Variants in RSPO1 observed in about 807,000 individuals in gnomAD.
RSPO1 encodes R-spondin 1, also known as R-spondin-1.
In RSPO1, 18 loss-of-function variants were observed where a neutral mutation model predicts 26.0. The ratio of observed to expected loss-of-function variants is 0.69; its 90% confidence interval spans 0.48 to 1.03. The LOEUF is 1.03. Among genes scored for constraint, RSPO1 ranks in the 50% least tolerant of loss-of-function variants. RSPO1 has a pLI of 0.00. For synonymous variants in RSPO1, 133 were observed against 137.4 expected, an observed-to-expected ratio of 0.97 and a Z score of 0.22; for missense variants, 309 against 352.3, an observed-to-expected ratio of 0.88 and a Z score of 0.98.
At chr1:37,620,904 C>T (rs1467707544) in intron 3 of RSPO1, among the ~76,000 whole-genome samples, 1 of 152,128 alleles carries the variant, frequency 6.6e-6, no homozygotes, top group Non-Finnish European at 1.5e-5. Flanking sequence ...CATGAATGCG[C>T]CCTCTAGGTT....
rs1009400363 is a variant in RSPO1, at chr1:37,614,237, G to C, written c.383C>G (p.Ala128Gly). 1 of 1,613,552 alleles carries C rather than the reference G, an allele frequency of 6.2e-7. No individual in the cohort carries two copies. The highest frequency in any genetic ancestry group is 1.3e-5 in the African/African-American group (1 of 74,934). ...GGCAGCTGAGGAGCCCTCGGGACAA[G>C]CTGGATAGCAGCGGCCCTTGTGCAG... ...LYLHKGRCYP[A>G]CPEGSSAANG... Residue 128 changes from alanine to glycine, a missense_variant, in exon 5 of 7, where the codon GCT (alanine) becomes GGT (glycine). Ala to Gly is a moderately conservative substitution (Grantham distance 60, BLOSUM62 0). Transcript: ENST00000356545.
In RSPO1 at chr1:37,634,052, G is replaced by C. The variant is rs1644400721; in HGVS notation, c.-356+514C>G. ...TCTCCCCAACTAAGCGATACCATCG[G>C]TTCCTGAGCGCCAGACCCCGAGGGC... is the stretch of plus-strand genomic sequence containing the variant. On this transcript the variant is annotated intron_variant, in intron 1 of 6. Coordinates refer to ENST00000356545, the MANE Select transcript of RSPO1 (RefSeq NM_001242908.2). This position sits in a 1 kb window ranked among gnomAD's most constrained non-coding sequence, Gnocchi z 4.7. Among the ~76,000 whole-genome samples the C allele has an allele frequency of 6.6e-6, 1 of 152,182 alleles. No individual in the cohort carries two copies. The highest frequency in any genetic ancestry group is 1.5e-5 in the Non-Finnish European group (1 of 68,034).
intron 2 of RSPO1, among the ~76,000 whole-genome samples, chr1:37,630,893 G>C (rs1242402936): frequency 1.3e-5 from 2 of 152,226 alleles, no homozygotes; most frequent in African/African-American, 4.8e-5. Flanking sequence ...AGTCTCTGTA[G>C]ATGCCAGGGA....
intron 4 of RSPO1, 124 bp downstream of exon 4, chr1:37,616,360 A>C: frequency 1.2e-6 from 1 of 823,170 alleles, no homozygotes; most frequent in Non-Finnish European, 2.0e-6. Flanking sequence ...CTTGAATCGG[A>C]GCCTCATCTC....
chr1:37,631,288 A>G (rs1383511288), intron 2 of RSPO1, among the ~76,000 whole-genome samples: 4 of 152,222 alleles, frequency 2.6e-5, no homozygotes, highest in Non-Finnish European at 2.9e-5. Context: ...AAGTGTTTAC[A>G]TGAGGCTGAT....
rs538431447 is a variant in RSPO1 at position 37,633,599 on chromosome 1, G to T, written c.-356+967C>A. ...ATTTCGCATTAGCCCTCCCCGGGCC[G>T]GGCTACAGGCTGGAGAGTTTTGGCC... On this transcript the variant is annotated intron_variant, in intron 1 of 6. Coordinates refer to ENST00000356545, the MANE Select transcript of RSPO1 (RefSeq NM_001242908.2). 3.7e-4 allele frequency among the ~76,000 whole-genome samples: 56 copies of T among 152,094 alleles called. No individual in the cohort carries two copies. In the Middle Eastern group the frequency reaches 0.01, roughly 28 times the overall value.
intron 4 of RSPO1, 142 bp from the exon 5 acceptor site, chr1:37,614,475 A>C (rs1644080841): frequency 1.1e-6 from 1 of 916,086 alleles, no homozygotes; most frequent in Non-Finnish European, 1.7e-6. Flanking sequence ...GGTACTGCAG[A>C]GGAATCTTGG....
At chr1:37,615,169 G>A (rs1487683208) in intron 4 of RSPO1, among the ~76,000 whole-genome samples, 2 of 152,170 alleles carry the variant, frequency 1.3e-5, no homozygotes, top group Non-Finnish European at 2.9e-5. Flanking sequence ...TGAGGACCAA[G>A]AGGGTAGCTC....
chr1:37,625,490 G>C (rs867653727), intron 3 of RSPO1, among the ~76,000 whole-genome samples: 32 of 152,216 alleles, frequency 2.1e-4, no homozygotes, highest in African/African-American at 7.5e-4. Context: ...TTTGGTAAGA[G>C]AGACCTGAGT....
intron 3 of RSPO1, among the ~76,000 whole-genome samples, chr1:37,626,060 A>T (rs1644271366): frequency 6.6e-6 from 1 of 152,084 alleles, no homozygotes; most frequent in African/African-American, 2.4e-5. Flanking sequence ...TCCCGCCTCA[A>T]GCCACCTCCC....
chr1:37,620,420 G>A (rs933036422), intron 3 of RSPO1, among the ~76,000 whole-genome samples: 1 of 152,018 alleles, frequency 6.6e-6, no homozygotes, highest in Non-Finnish European at 1.5e-5. Flanking sequence ...AAGCTGAGGT[G>A]AGGAGTTCGA....
At chr1:37,615,665 G>A (rs910909355) in intron 4 of RSPO1, among the ~76,000 whole-genome samples, 4 of 152,236 alleles carry the variant, frequency 2.6e-5, no homozygotes, top group African/African-American at 9.6e-5. Flanking sequence ...ACAAGTGGTG[G>A]GGGCACTGGC....
At chr1:37,614,474 G>GCTCT in intron 4 of RSPO1, 141 bp from the exon 5 acceptor site, 1 of 916,668 alleles carries the variant, frequency 1.1e-6, no homozygotes, top group Non-Finnish European at 1.7e-6. Flanking sequence ...AGGTACTGCA[G>GCTCT]AGGAATCTTG....
chr1:37,613,038 C>T lies in RSPO1; in HGVS notation c.626-117G>A, dbSNP rs1043735619. 8.1e-6 allele frequency: 9 copies of T among 1,111,608 alleles called. No homozygotes were observed. In the Admixed American group the frequency reaches 1.7e-4, roughly 21 times the overall value. 68.9% of individuals were successfully genotyped at this position (1,111,608 alleles called of 1,614,324 possible). On this transcript the variant is annotated intron_variant, in intron 6 of 6. Coordinates refer to ENST00000356545, the MANE Select transcript of RSPO1 (RefSeq NM_001242908.2). The surrounding 1 kb of genome is among the most constrained non-coding windows in gnomAD (Gnocchi z 4.5). ...GCCGGAAGGGGAGGCAGGGAGGAGG[C>T]TGGAGATGCTGCCTCTAGGTAGTTG... is the stretch of plus-strand genomic sequence containing the variant.
At chr1:37,630,009 C>A in intron 2 of RSPO1, 60 bp from the exon 3 acceptor site, 4 of 762,158 alleles carry the variant, frequency 5.2e-6, no homozygotes, top group Non-Finnish European at 9.2e-6. Context: ...CCCACTTATG[C>A]CTCCTGCCCT....
At chr1:37,620,231 G>A (rs764726374) in intron 3 of RSPO1, among the ~76,000 whole-genome samples, 1 of 152,144 alleles carries the variant, frequency 6.6e-6, no homozygotes. Flanking sequence ...GAAATTTATG[G>A]GCTGGGTGTG....
intron 1 of RSPO1, among the ~76,000 whole-genome samples, chr1:37,633,386 A>G (rs942540760): frequency 6.6e-6 from 1 of 152,166 alleles, no homozygotes; most frequent in African/African-American, 2.4e-5. Context: ...GCGAGAGGCC[A>G]CAAGGGCCTC....
At chr1:37,614,106 GCT>G in intron 5 of RSPO1, 76 bp downstream of exon 5, 2 of 1,531,082 alleles carry the variant, frequency 1.3e-6, no homozygotes, top group South Asian at 2.3e-5. Context: ...CAGCCCACCC[GCT>G]CTCTTGCCAG....
intron 4 of RSPO1, 59 bp from the exon 5 acceptor site, chr1:37,614,392 T>C: frequency 6.2e-7 from 1 of 1,600,758 alleles, no homozygotes; most frequent in Non-Finnish European, 8.5e-7. Context: ...TTTCCCCTCA[T>C]CCCCAGCCCC....
Sources: gnomAD v4.1 joint callset for allele counts (sites outside exome capture counted in the v4.1 genomes callset) on GRCh38, gnomAD v4.1.1 for gene constraint, Gnocchi (gnomAD v3.1) non-coding constraint, MANE v1.5 for transcripts, NCBI Gene and HGNC (gene_info 2026-07-23, HGNC 2026-07-21) for gene names.